CFAP61: variants seen among roughly 807,000 people sequenced by gnomAD.
CFAP61 encodes cilia- and flagella-associated protein 61.
Under a neutral mutation model 135.6 loss-of-function variants are expected in CFAP61, and 107 were observed. The observed-to-expected ratio is 0.79, with a 90% CI of 0.67 to 0.93. CFAP61 has a LOEUF of 0.93. Ranked by LOEUF, CFAP61 falls within the 40% of genes least tolerant of loss-of-function variation. The pLI is 0.00. For synonymous variants in CFAP61, 575 were observed against 578.5 expected (o/e 0.99, Z 0.09); for missense variants, 1,507 against 1,556.2 (o/e 0.97, Z 0.53).
At chr20:20,320,528 T>A (rs76779224) in intron 25 of CFAP61, among the ~76,000 whole-genome samples, 4 of 10,124 alleles carry the variant, frequency 4.0e-4, no homozygotes, top group Non-Finnish European at 5.9e-4. Context: ...TAATATATAT[T>A]ATATATGTAA....
At chr20:20,156,148 C>T (rs1335887246) in intron 9 of CFAP61, among the ~76,000 whole-genome samples, 2 of 151,870 alleles carry the variant, frequency 1.3e-5, no homozygotes, top group African/African-American at 2.4e-5. Context: ...AACTGTTCTC[C>T]CAAAAATATT....
rs1026851270 is a variant in CFAP61, at chr20:20,166,254, C to T, written c.1206-143C>T. Reference sequence around the variant, plus strand: ...TACGAAGCTTGCGACTTATGCACCCCATTAGTGTTCACCTAGACACACATT... The same window carrying T: ...TACGAAGCTTGCGACTTATGCACCCTATTAGTGTTCACCTAGACACACATT... On this transcript the variant is annotated intron_variant, in intron 11 of 26. Coordinates refer to ENST00000245957, the MANE Select transcript of CFAP61 (RefSeq NM_015585.4). 6.1e-6 allele frequency: 4 copies of T among 653,066 alleles called. No homozygotes were observed. In the African/African-American group the frequency reaches 7.2e-5, roughly 12 times the overall value. 40.5% of individuals were successfully genotyped at this position (653,066 alleles called of 1,614,324 possible).
chr20:20,257,412 C>T (rs972252252), intron 20 of CFAP61, among the ~76,000 whole-genome samples: 4 of 152,100 alleles, frequency 2.6e-5, no homozygotes, highest in Admixed American at 2.6e-4. Context: ...GTCAGGAGTT[C>T]GAGACCAGCC....
chr20:20,108,047 A>G (rs2048533473), intron 8 of CFAP61, among the ~76,000 whole-genome samples: 1 of 152,216 alleles, frequency 6.6e-6, no homozygotes, highest in Non-Finnish European at 1.5e-5. Context: ...AAAATATTAA[A>G]CTTCCCTAAA....
intron 6 of CFAP61, among the ~76,000 whole-genome samples, chr20:20,077,226 G>A (rs2046117196): frequency 6.6e-6 from 1 of 152,214 alleles, no homozygotes; most frequent in South Asian, 2.1e-4. Flanking sequence ...TACAGTGGAT[G>A]CTACTCAGCA....
At chr20:20,355,125 TGAGGGGAG>T (rs2059035785) in intron 26 of CFAP61, among the ~76,000 whole-genome samples, 2 of 113,216 alleles carry the variant, frequency 1.8e-5, no homozygotes, top group African/African-American at 3.5e-5. Context: ...GGTCACACTG[TGAGGGGAG>T]GTGGTCACAT....
intron 2 of CFAP61, among the ~76,000 whole-genome samples, chr20:20,062,127 TGAG>T (rs1458830319): frequency 1.3e-5 from 2 of 152,018 alleles, no homozygotes; most frequent in Non-Finnish European, 2.9e-5. Flanking sequence ...GGAGGAGAAT[TGAG>T]GAGCCCAGCC....
chr20:20,143,595 C>T (rs2051599113), intron 9 of CFAP61, among the ~76,000 whole-genome samples: 1 of 152,204 alleles, frequency 6.6e-6, no homozygotes, highest in Non-Finnish European at 1.5e-5. Flanking sequence ...CACTGTTCAT[C>T]ACTGTAACAA....
intron 2 of CFAP61, 55 bp from the exon 3 acceptor site, chr20:20,070,797 TCC>T: frequency 4.5e-6 from 7 of 1,542,634 alleles, no homozygotes; most frequent in Non-Finnish European, 6.2e-6. Context: ...AAATGGCATG[TCC>T]TCACCTCACT....
chr20:20,193,303 G>A (rs2056053490), intron 15 of CFAP61, among the ~76,000 whole-genome samples: 1 of 152,072 alleles, frequency 6.6e-6, no homozygotes, highest in African/African-American at 2.4e-5. Context: ...CCCTTATCAA[G>A]TAAGGGAAAT....
intron 8 of CFAP61, among the ~76,000 whole-genome samples, chr20:20,120,193 C>T (rs2049502628): frequency 6.6e-6 from 1 of 152,062 alleles, no homozygotes; most frequent in Non-Finnish European, 1.5e-5. Context: ...TTTGTTTGCT[C>T]TTGCTTTTCT....
At chr20:20,322,678 C>T (rs2057577531) in intron 25 of CFAP61, 4 of 985,288 alleles carry the variant, frequency 4.1e-6, no homozygotes, top group Middle Eastern at 5.2e-4. Flanking sequence ...GAAACAGTTA[C>T]CAAGAAATGG....
At chr20:20,097,134 GTAT>G (rs2047642732) in intron 7 of CFAP61, among the ~76,000 whole-genome samples, 1 of 149,690 alleles carries the variant, frequency 6.7e-6, no homozygotes, top group South Asian at 2.1e-4. Context: ...AAAAAACTGA[GTAT>G]TATTGTAGCC....
rs1428933315 is a variant in CFAP61 at position 20,356,210 on chromosome 20, C to G, written c.3514-4000C>G. Reference sequence around the variant, plus strand: ...GTCACACTGAGGGGAGGTGGTCATACTGTGAGTGAGGAGCTAGTCACACTG... The same window carrying G: ...GTCACACTGAGGGGAGGTGGTCATAGTGTGAGTGAGGAGCTAGTCACACTG... On this transcript the variant is annotated intron_variant, in intron 26 of 26. Coordinates refer to ENST00000245957, the MANE Select transcript of CFAP61 (RefSeq NM_015585.4). 6.4e-5 allele frequency among the ~76,000 whole-genome samples: 8 copies of G among 124,424 alleles called. 1 individual carries two copies. The highest frequency in any genetic ancestry group is 2.5e-4 in the African/African-American group (8 of 32,538). 81.6% of individuals were successfully genotyped at this position (124,424 alleles called of 152,430 possible).
At position 20,085,314 on chromosome 20, in the gene CFAP61, T is replaced by A; in HGVS notation, c.567-5530T>A. The A allele has an allele frequency of 3.3e-6, 4 of 1,200,704 alleles. No individual in the cohort carries two copies. The South Asian group carries it at 6.3e-5, about 19-fold the overall frequency. The allele number at this position is 1,200,704 out of a possible 1,614,324, so 74.4% of individuals were successfully genotyped here. On this transcript the variant is annotated intron_variant, in intron 6 of 26. Coordinates refer to ENST00000245957, the MANE Select transcript of CFAP61 (RefSeq NM_015585.4). ...CTGGGGTGTTTTGTTTCTGTGGGGCTGGACTTTGTCATATGCCATTTGAGA... is the reference window on the plus strand; with the variant it reads ...CTGGGGTGTTTTGTTTCTGTGGGGCAGGACTTTGTCATATGCCATTTGAGA...
chr20:20,257,813 G>A (rs910743767), intron 20 of CFAP61, among the ~76,000 whole-genome samples: 14 of 152,118 alleles, frequency 9.2e-5, no homozygotes, highest in African/African-American at 3.4e-4. Flanking sequence ...AGAAGTTGTT[G>A]AAAATTGGGA....
intron 17 of CFAP61, among the ~76,000 whole-genome samples, chr20:20,201,755 C>A (rs1257612724): frequency 6.6e-6 from 1 of 152,222 alleles, no homozygotes; most frequent in Non-Finnish European, 1.5e-5. Context: ...AACCTTGCAG[C>A]TTCCGTATCA....
chr20:20,259,232 C>T (rs1016108163), intron 20 of CFAP61, among the ~76,000 whole-genome samples: 5 of 148,256 alleles, frequency 3.4e-5, no homozygotes, highest in African/African-American at 1.2e-4. Context: ...AACAGGAACC[C>T]AGGCCCTTCC....
At chr20:20,067,703 C>A (rs1189105370) in intron 2 of CFAP61, among the ~76,000 whole-genome samples, 1 of 139,686 alleles carries the variant, frequency 7.2e-6, no homozygotes, top group East Asian at 2.0e-4. Flanking sequence ...TTTATATATT[C>A]ATATTTTATA....
Sources: gnomAD v4.1 joint callset for allele counts (sites outside exome capture counted in the v4.1 genomes callset) on GRCh38, gnomAD v4.1.1 for gene constraint, MANE v1.5 for transcripts, NCBI Gene and HGNC (gene_info 2026-07-23, HGNC 2026-07-21) for gene names.